The following PRKCB variants were observed in gnomAD, a reference collection of about 807,000 sequenced individuals.
The protein encoded by PRKCB is protein kinase C beta.
PRKCB carries 13 observed loss-of-function variants against 81.5 expected under a neutral mutation model. That is an observed-to-expected ratio of 0.16 (90% CI 0.10 to 0.25). The LOEUF (loss-of-function observed/expected upper bound fraction) is 0.25, where lower values mean the gene tolerates loss of function less well. Ranked by LOEUF, PRKCB falls within the 10% of genes least tolerant of loss-of-function variation. PRKCB has a pLI of 1.00. For missense variants in PRKCB, 509 were observed against 875.7 expected, an observed-to-expected ratio of 0.58 and a Z score of 5.29; for synonymous variants, 335 against 321.4, an observed-to-expected ratio of 1.04 and a Z score of -0.45.
chr16:24,164,911 G>C lies in PRKCB; in HGVS notation c.1240-7359G>C, dbSNP rs1024163646. Among the ~76,000 whole-genome samples the C allele has an allele frequency of 8.8e-4, 134 of 152,228 alleles. 1 individual carries two copies. The highest frequency in any genetic ancestry group is 2.8e-4 in the Non-Finnish European group (19 of 68,038). On this transcript the variant is annotated intron_variant, in intron 10 of 16. Coordinates refer to ENST00000643927, the MANE Select transcript of PRKCB (RefSeq NM_002738.7). ...GAATGGGGAACAAAGGCAAATTTAA[G>C]GGTGCTATGGAGGGGAATAATATGT...
chr16:23,981,525 A>T (rs1288270123), intron 2 of PRKCB, among the ~76,000 whole-genome samples: 1 of 151,932 alleles, frequency 6.6e-6, no homozygotes, highest in Non-Finnish European at 1.5e-5. Context: ...AGGGGATGGG[A>T]ACATTATTCT....
chr16:23,896,716 G>A (rs572753507), intron 2 of PRKCB, among the ~76,000 whole-genome samples: 46 of 152,292 alleles, frequency 3.0e-4, no homozygotes, highest in Admixed American at 7.8e-4. Flanking sequence ...AGGGGAAAGA[G>A]CCTTATCCTA....
chr16:24,211,932 C>T (rs1213637989), intron 16 of PRKCB, among the ~76,000 whole-genome samples: 1 of 152,130 alleles, frequency 6.6e-6, no homozygotes, highest in African/African-American at 2.4e-5. Context: ...CCCTTGCATG[C>T]ACAGCAAATA....
rs546669785 is a variant in PRKCB at position 24,173,470 on chromosome 16, C to T, written c.1332-1048C>T. 4.6e-5 allele frequency among the ~76,000 whole-genome samples: 7 copies of T among 152,296 alleles called. No individual in the cohort carries two copies. In the East Asian group the frequency reaches 1.4e-3, roughly 29 times the overall value. ...GTTCAGCTTGCCCCCTCTCCTCCCACCTGGACAGGTTGTGAGCACTATGTT... is the reference window on the plus strand; with the variant it reads ...GTTCAGCTTGCCCCCTCTCCTCCCATCTGGACAGGTTGTGAGCACTATGTT... On this transcript the variant is annotated intron_variant, in intron 11 of 16. Coordinates refer to ENST00000643927, the MANE Select transcript of PRKCB (RefSeq NM_002738.7).
At position 23,938,376 on chromosome 16, in the gene PRKCB, A is replaced by C. The variant is rs186866136; in HGVS notation, c.206-50132A>C. On this transcript the variant is annotated intron_variant, in intron 2 of 16. Transcript: ENST00000643927. ...AAAAGTTAATTGAAGATGTACTCTG[A>C]TTGAGAGCAGATCCAAAATTAGGAA... is the stretch of plus-strand genomic sequence containing the variant. 2.2e-4 allele frequency among the ~76,000 whole-genome samples: 33 copies of C among 152,342 alleles called. No homozygotes were observed. The East Asian group carries it at 6.2e-3, about 28-fold the overall frequency.
intron 9 of PRKCB, 22 bp from the exon 10 acceptor site, chr16:24,154,662 A>G (rs1160339341): frequency 6.2e-7 from 1 of 1,613,152 alleles, no homozygotes; most frequent in African/African-American, 1.3e-5. Flanking sequence ...AACTGCCCTG[A>G]CATGCTTGCT....
intron 2 of PRKCB, among the ~76,000 whole-genome samples, chr16:23,905,151 T>A (rs896635779): frequency 1.3e-5 from 2 of 151,596 alleles, no homozygotes; most frequent in African/African-American, 4.9e-5. Flanking sequence ...CAGCCGGCCC[T>A]GGAATGTGGC....
chr16:24,006,244 A>G (rs1470366155), intron 3 of PRKCB, among the ~76,000 whole-genome samples: 6 of 152,232 alleles, frequency 3.9e-5, no homozygotes, highest in African/African-American at 1.4e-4. Flanking sequence ...AGGAGTCTGG[A>G]GATACTCGAG....
chr16:24,187,759 G>C (rs1967727567), intron 15 of PRKCB, among the ~76,000 whole-genome samples: 1 of 152,162 alleles, frequency 6.6e-6, no homozygotes, highest in African/African-American at 2.4e-5. Flanking sequence ...GCTCACTGCA[G>C]CCTTGATCTC....
At chr16:23,850,480 C>T (rs1403434015) in intron 2 of PRKCB, among the ~76,000 whole-genome samples, 3 of 152,144 alleles carry the variant, frequency 2.0e-5, no homozygotes, top group Non-Finnish European at 2.9e-5. Context: ...ATTCTCCTGC[C>T]TCGGCCTCCC....
intron 3 of PRKCB, among the ~76,000 whole-genome samples, chr16:24,011,990 G>T (rs1386019975): frequency 2.0e-5 from 3 of 152,176 alleles, no homozygotes; most frequent in African/African-American, 7.2e-5. Flanking sequence ...TTGGTCTTTA[G>T]GTCCTGGCTT....
chr16:24,059,919 A>G (rs1234725079), intron 5 of PRKCB, among the ~76,000 whole-genome samples: 1 of 152,162 alleles, frequency 6.6e-6, no homozygotes, highest in Non-Finnish European at 1.5e-5. Context: ...AAGAGGCAGG[A>G]TGCCGGAAAG....
chr16:23,874,521 AT>A (rs1163041926), intron 2 of PRKCB, among the ~76,000 whole-genome samples: 1 of 149,586 alleles, frequency 6.7e-6, no homozygotes, highest in African/African-American at 2.5e-5. Context: ...AAACATACTT[AT>A]TTTTTGGTGT....
At chr16:24,097,258 G>A (rs997122943) in intron 7 of PRKCB, among the ~76,000 whole-genome samples, 4 of 151,426 alleles carry the variant, frequency 2.6e-5, no homozygotes, top group South Asian at 2.1e-4. Flanking sequence ...GGATGATCTC[G>A]ATCTCCTGAC....
chr16:23,922,958 T>C (rs1963847232), intron 2 of PRKCB, among the ~76,000 whole-genome samples: 1 of 152,134 alleles, frequency 6.6e-6, no homozygotes, highest in Non-Finnish European at 1.5e-5. Context: ...TTAATAGATC[T>C]GTCTGTTCTT....
At chr16:24,150,792 G>C (rs945912121) in intron 9 of PRKCB, among the ~76,000 whole-genome samples, 1 of 152,156 alleles carries the variant, frequency 6.6e-6, no homozygotes, top group African/African-American at 2.4e-5. Flanking sequence ...AATATTTCCT[G>C]TTTGGCCCTT....
rs368826699 is a variant in PRKCB at position 23,871,565 on chromosome 16, A to G, written c.205+34159A>G. Among the ~76,000 whole-genome samples, 23 of 150,746 alleles carry G rather than the reference A, an allele frequency of 1.5e-4. 2 individuals are homozygous for G. In the South Asian group the frequency reaches 4.8e-3, roughly 32 times the overall value. On this transcript the variant is annotated intron_variant, in intron 2 of 16. Coordinates refer to ENST00000643927, the MANE Select transcript of PRKCB (RefSeq NM_002738.7). ...CCTTCCAGCATTCTCTAATCCCATC[A>G]CCTTGTTTTTTTTATCTTTTCTTTT...
intron 2 of PRKCB, among the ~76,000 whole-genome samples, chr16:23,847,539 T>TCCA (rs1356572203): frequency 1.0e-4 from 14 of 137,816 alleles, no homozygotes; most frequent in South Asian, 1.0e-3. Context: ...TATTCTTCCA[T>TCCA]TCATCCATCC....
At chr16:23,843,532 G>C (rs1236847594) in intron 2 of PRKCB, among the ~76,000 whole-genome samples, 1 of 152,056 alleles carries the variant, frequency 6.6e-6, no homozygotes, top group East Asian at 1.9e-4. Flanking sequence ...TCTTAAAAAG[G>C]AGGGCTGATT....
Sources: allele counts gnomAD v4.1 joint callset (sites outside exome capture counted in the v4.1 genomes callset), GRCh38; gene constraint gnomAD v4.1.1; transcripts MANE v1.5; gene names NCBI Gene and HGNC (gene_info 2026-07-23, HGNC 2026-07-21).